The following NYX variants were observed in gnomAD, a reference collection of about 807,000 sequenced individuals.
NYX encodes the protein nyctalopin.
For synonymous variants in NYX, 258 were observed against 245.7 expected (o/e 1.05, Z -0.47); for missense variants, 481 against 485.4 (o/e 0.99, Z 0.09).
intron 2 of NYX, among the ~76,000 whole-genome samples, chrX:41,463,219 G>A (rs1445401547): frequency 9.0e-6 from 1 of 111,478 alleles, no homozygotes; most frequent in Non-Finnish European, 1.9e-5. Context: ...CCTTGTCGTG[G>A]TCTACCTTGA....
At chrX:41,472,657 C>T in intron 2 of NYX, 4 of 435,780 alleles carry the variant, frequency 9.2e-6, no homozygotes, top group Non-Finnish European at 1.2e-5. Context: ...CCTGCATTGT[C>T]TTGGCGAGGT....
Position 41,474,916 on chromosome X carries a change from A to C in NYX, c.*17A>C, listed in dbSNP as rs1167863867. On this transcript the variant is annotated 3_prime_UTR_variant, in exon 3 of 3. Coordinates refer to ENST00000378220, the MANE Select transcript of NYX (RefSeq NM_001378477.3). Reference sequence around the variant, plus strand: ...ATGGACTGACCTGGCCAGAGGGGGGAAAGTTTGCTTAACTGGGCTTGAGTG... The same window carrying C: ...ATGGACTGACCTGGCCAGAGGGGGGCAAGTTTGCTTAACTGGGCTTGAGTG... 2.6e-6 allele frequency: 3 copies of C among 1,171,784 alleles called. No homozygotes were observed. The highest frequency in any genetic ancestry group is 2.3e-5 in the Admixed American group (1 of 42,931).
At chrX:41,457,307 C>CAAAA (rs752610260) in intron 2 of NYX, among the ~76,000 whole-genome samples, 40 of 44,661 alleles carry the variant, frequency 9.0e-4, no homozygotes, top group South Asian at 7.0e-3. Context: ...AACTCCATCT[C>CAAAA]AAAAAAAAAA....
At chrX:41,472,717 G>A in intron 2 of NYX, 1 of 322,650 alleles carries the variant, frequency 3.1e-6, no homozygotes, top group South Asian at 1.1e-4. Flanking sequence ...CGCAGTAGAG[G>A]CCAGGGCAGG....
chrX:41,462,675 G>A (rs184916176), intron 2 of NYX, among the ~76,000 whole-genome samples: 4 of 111,945 alleles, frequency 3.6e-5, no homozygotes, highest in African/African-American at 1.3e-4. Flanking sequence ...TCTAATAGGT[G>A]GCTACTTTAA....
chrX:41,455,102 T>C (rs2064294413), intron 2 of NYX, among the ~76,000 whole-genome samples: 1 of 109,855 alleles, frequency 9.1e-6, no homozygotes, highest in Admixed American at 9.8e-5. Context: ...GGTTTTTGTT[T>C]TTTTGTTTTT....
At position 41,474,449 on chromosome X, in the gene NYX, C is replaced by A; in HGVS notation, c.981C>A (p.Phe327Leu). 1 of 1,209,082 alleles carries A rather than the reference C, an allele frequency of 8.3e-7. No individual in the cohort carries two copies. The highest frequency in any genetic ancestry group is 1.1e-6 in the Non-Finnish European group (1 of 895,460). The change falls in exon 3 of 3, where the codon TTC becomes TTA. Residue 327 changes from phenylalanine (F) to leucine (L), a missense_variant. Phe to Leu is a conservative substitution (Grantham distance 22). Coordinates refer to ENST00000378220, the MANE Select transcript of NYX (RefSeq NM_001378477.3). ...FQPGFFLGRLFLFRNPWCCDC... is the reference protein window; with the variant it reads ...FQPGFFLGRLLLFRNPWCCDC... ...CCGGCTTCTTCCTGGGCCGCCTCTT[C>A]CTCTTCCGCAACCCGTGGTGCTGCG...
chrX:41,465,891 G>A (rs1352147203), intron 2 of NYX, among the ~76,000 whole-genome samples: 1 of 109,856 alleles, frequency 9.1e-6, no homozygotes, highest in African/African-American at 3.3e-5. Flanking sequence ...AGGTCTTTTG[G>A]TGTTTAGTTC....
Position 41,463,611 on chromosome X carries a change from CG to C in NYX, c.23-9876del, listed in dbSNP as rs749294171. Reference sequence around the variant, plus strand: ...CTAATTTTTGTATTTTTAGTAGAGACGGGGTTTCACCATGTTGGCCAGGATA... The same window carrying C: ...CTAATTTTTGTATTTTTAGTAGAGACGGGTTTCACCATGTTGGCCAGGATA... On this transcript the variant is annotated intron_variant, in intron 2 of 2. Coordinates refer to ENST00000378220, the MANE Select transcript of NYX (RefSeq NM_001378477.3). Among the ~76,000 whole-genome samples, 142 of 111,115 alleles carry C rather than the reference CG, an allele frequency of 1.3e-3. 1 individual carries two copies. Among genetic ancestry groups the C allele is most frequent in the Admixed American group, 3.6e-3 (37 of 10,409 alleles).
intron 2 of NYX, among the ~76,000 whole-genome samples, chrX:41,463,936 A>C (rs149153487): frequency 9.0e-6 from 1 of 111,444 alleles, no homozygotes; most frequent in Non-Finnish European, 1.9e-5. Context: ...TTGTAGACCT[A>C]ATTTTCATCT....
rs753595772 is a variant in NYX, at chrX:41,473,931, G to A, written c.463G>A (p.Ala155Thr). Residue 155 changes from alanine to threonine, a missense_variant, in exon 3 of 3, where the codon GCC becomes ACC. By Grantham distance (58) the Ala-to-Thr change is moderately conservative. Coordinates refer to ENST00000378220, the MANE Select transcript of NYX (RefSeq NM_001378477.3). ...CGAGCGCCTCCTGGCCGAACTGCCGGCCCTGCGCGAACTCGCCGCCTTCGA... is the reference window on the plus strand; with the variant it reads ...CGAGCGCCTCCTGGCCGAACTGCCGACCCTGCGCGAACTCGCCGCCTTCGA... Reference protein sequence around the residue: ...VPERLLAELPALRELAAFDNL... With the variant: ...VPERLLAELPTLRELAAFDNL... The A allele has an allele frequency of 9.3e-5, 104 of 1,112,624 alleles. No individual in the cohort carries two copies. The highest frequency in any genetic ancestry group is 1.2e-4 in the Non-Finnish European group (101 of 853,075). 91.7% of individuals were successfully genotyped at this position (1,112,624 alleles called of 1,213,427 possible). A position where few individuals can be genotyped will look rare whatever the true frequency, so the allele number is the denominator to read the frequency against.
rs186974863 is a variant in NYX at position 41,456,260 on chromosome X, C to T, written c.22+8334C>T. On this transcript the variant is annotated intron_variant, in intron 2 of 2. Transcript: ENST00000378220. ...ACTAGGCAGGAGAATCGCTTGAACC[C>T]GGGAGGCAGAGGTTGCAGTGAGCTG... Among the ~76,000 whole-genome samples the T allele has an allele frequency of 3.2e-3, 358 of 111,376 alleles. 1 individual carries two copies. The highest frequency in any genetic ancestry group is 0.011 in the African/African-American group (339 of 30,644).
intron 2 of NYX, among the ~76,000 whole-genome samples, chrX:41,464,868 TC>T (rs1227309690): frequency 3.6e-5 from 4 of 111,226 alleles, no homozygotes; most frequent in African/African-American, 1.3e-4. Flanking sequence ...TGATAATTTT[TC>T]CCCCAGTCTT....
At position 41,456,101 on chromosome X, in the gene NYX, G is replaced by A. The variant is rs184020188; in HGVS notation, c.22+8175G>A. On this transcript the variant is annotated intron_variant, in intron 2 of 2. Coordinates refer to ENST00000378220, the MANE Select transcript of NYX (RefSeq NM_001378477.3). ...GCCTGTAATCCCAGCACTTTGGGAG[G>A]CTGAGGAGAGCGGATCACTTGACTA... Among the ~76,000 whole-genome samples, 1,107 of 111,693 alleles carry A rather than the reference G, an allele frequency of 9.9e-3. 17 individuals carry two copies. Among genetic ancestry groups the A allele is most frequent in the African/African-American group, 0.034 (1,035 of 30,733 alleles).
intron 2 of NYX, among the ~76,000 whole-genome samples, chrX:41,469,707 C>T (rs928280096): frequency 9.1e-6 from 1 of 110,028 alleles, no homozygotes; most frequent in Non-Finnish European, 1.9e-5. Context: ...CCACCACACC[C>T]GGCTAATTTT....
At chrX:41,466,090 G>A (rs750488638) in intron 2 of NYX, among the ~76,000 whole-genome samples, 1 of 111,694 alleles carries the variant, frequency 9.0e-6, no homozygotes, top group African/African-American at 3.2e-5. Flanking sequence ...CTGTCAGCTT[G>A]CTTTCTGCTT....
chrX:41,457,285 C>T (rs2064301958), intron 2 of NYX, among the ~76,000 whole-genome samples: 1 of 73,771 alleles, frequency 1.4e-5, no homozygotes, highest in Non-Finnish European at 2.4e-5. Flanking sequence ...CAGGCTTGGG[C>T]AACAAGAACG....
At chrX:41,455,884 G>T (rs1274317496) in intron 2 of NYX, among the ~76,000 whole-genome samples, 1 of 111,883 alleles carries the variant, frequency 8.9e-6, no homozygotes, top group East Asian at 2.8e-4. Flanking sequence ...GCTGATTCTG[G>T]GAGAGGCTAT....
At chrX:41,466,575 T>G (rs1208978565) in intron 2 of NYX, among the ~76,000 whole-genome samples, 1 of 108,749 alleles carries the variant, frequency 9.2e-6, no homozygotes, top group African/African-American at 3.3e-5. Flanking sequence ...TTTTTTTTTT[T>G]TGAGACAGAG....
Sources: allele counts gnomAD v4.1 joint callset (sites outside exome capture counted in the v4.1 genomes callset), GRCh38; gene constraint gnomAD v4.1.1; transcripts MANE v1.5; gene names NCBI Gene and HGNC (gene_info 2026-07-23, HGNC 2026-07-21).